The following ZNF658 variants were observed in gnomAD, a reference collection of about 807,000 sequenced individuals.
ZNF658 encodes the protein zinc finger protein 658.
ZNF658 carries 46 observed loss-of-function variants against 78.0 expected under a neutral mutation model. The ratio of observed to expected loss-of-function variants is 0.59; its 90% confidence interval spans 0.47 to 0.75. ZNF658 has a LOEUF of 0.75. Ranked by LOEUF, ZNF658 falls within the 30% of genes least tolerant of loss-of-function variation. The pLI, the probability that ZNF658 is intolerant of heterozygous loss-of-function variation, is 0.00. For synonymous variants in ZNF658, 279 were observed against 408.4 expected (o/e 0.68, Z 3.82); for missense variants, 785 against 1,189.3 (o/e 0.66, Z 5.00).
At chr9:66,913,474 G>A (rs368524424) in intron 4 of ZNF658, among the ~76,000 whole-genome samples, 1 of 151,840 alleles carries the variant, frequency 6.6e-6, no homozygotes, top group Non-Finnish European at 1.5e-5. Flanking sequence ...ACCCCCAGGG[G>A]GTCAGATCAG....
intron 2 of ZNF658, among the ~76,000 whole-genome samples, chr9:66,904,793 G>A (rs1236923344): frequency 2.0e-5 from 3 of 152,028 alleles, no homozygotes; most frequent in African/African-American, 7.2e-5. Flanking sequence ...AGTCTTGCCT[G>A]TGATGAATTA....
rs762875624 is a variant in ZNF658 at position 66,918,119 on chromosome 9, G to A, written c.553G>A (p.Glu185Lys). Residue 185 changes from glutamate to lysine, a missense_variant, in exon 5 of 5, where the codon GAA becomes AAA. Glu to Lys is a moderately conservative substitution (Grantham distance 56). Transcript: ENST00000621410. ...TATTAAGCATGAGAAAGCTCATGCT[G>A]AAGAGAAATCTTATGAACATGGTGA... is the stretch of plus-strand genomic sequence containing the variant. ...LDIKHEKAHA[E>K]EKSYEHGENA... The A allele has an allele frequency of 3.6e-5, 57 of 1,593,934 alleles. No individual in the cohort carries two copies. The African/African-American group carries it at 6.8e-4, about 19-fold the overall frequency.
chr9:66,928,980 T>C (rs1203952097), intron 6 of ZNF658, among the ~76,000 whole-genome samples: 1 of 148,878 alleles, frequency 6.7e-6, no homozygotes, highest in African/African-American at 2.5e-5. Flanking sequence ...TCACTTCTCT[T>C]AGGAATGAGA....
At chr9:66,909,240 T>C (rs893200517) in intron 4 of ZNF658, among the ~76,000 whole-genome samples, 1 of 152,090 alleles carries the variant, frequency 6.6e-6, no homozygotes, top group African/African-American at 2.4e-5. Flanking sequence ...ACCCTTTAGT[T>C]ATCACTGTCC....
At chr9:66,907,402 A>G (rs1413324166) in intron 2 of ZNF658, among the ~76,000 whole-genome samples, 1 of 151,948 alleles carries the variant, frequency 6.6e-6, no homozygotes, top group African/African-American at 2.4e-5. Flanking sequence ...TGAAATATAC[A>G]TTACTTTATT....
rs756885198 is a variant in ZNF658, at chr9:66,918,732, G to T, written c.1166G>T (p.Cys389Phe). The change falls in exon 5 of 5, where the codon TGC becomes TTC. Residue 389 changes from cysteine (C) to phenylalanine (F), a missense_variant. Cys to Phe is a radical substitution (Grantham distance 205). Coordinates refer to ENST00000621410, the MANE Select transcript of ZNF658 (RefSeq NM_033160.7). ...KFYLSDEHGK[C>F]RKSFYRKAHL... ...TACCTTTCTGATGAACATGGGAAAT[G>T]CAGAAAATCCTTTTACCGGAAAGCA... 8.1e-6 allele frequency: 13 copies of T among 1,613,948 alleles called. No individual in the cohort carries two copies. The highest frequency in any genetic ancestry group is 1.0e-5 in the Non-Finnish European group (12 of 1,179,850).
chr9:66,929,766 T>C (rs1822622137), intron 6 of ZNF658, among the ~76,000 whole-genome samples: 2 of 87,362 alleles, frequency 2.3e-5, no homozygotes, highest in African/African-American at 3.6e-5. Flanking sequence ...TTAGAGTTGC[T>C]TTTTCTTTTT....
intron 4 of ZNF658, among the ~76,000 whole-genome samples, chr9:66,910,064 G>T (rs1822177219): frequency 6.6e-6 from 1 of 152,088 alleles, no homozygotes; most frequent in African/African-American, 2.4e-5. Flanking sequence ...CAGTACTACT[G>T]GATTAGGGTC....
At chr9:66,923,343 T>C (rs1419320783), downstream of ZNF658, among the ~76,000 whole-genome samples, 4 of 149,064 alleles carry the variant, frequency 2.7e-5, 1 homozygote, top group East Asian at 7.9e-4. Context: ...GCTGATTAGA[T>C]GGTGCCCACC....
intron 6 of ZNF658, among the ~76,000 whole-genome samples, chr9:66,931,025 G>T (rs970300685): frequency 6.6e-6 from 1 of 152,082 alleles, no homozygotes; most frequent in Non-Finnish European, 1.5e-5. Context: ...CCTGGGGATA[G>T]TTAAGCACAT....
rs141164380 is a variant in ZNF658 at position 66,901,874 on chromosome 9, G to A, written c.-45+1038G>A. ...CAGGAGAATCGCTCGAACCCGAGGC[G>A]GACGCTGCAGTGAGCCAAGATTGCA... On this transcript the variant is annotated intron_variant, in intron 1 of 4. Transcript: ENST00000621410. Among the ~76,000 whole-genome samples the A allele has an allele frequency of 5.3e-3, 806 of 152,174 alleles. 8 individuals carry two copies. The highest frequency in any genetic ancestry group is 0.018 in the African/African-American group (763 of 41,516).
In ZNF658 at chr9:66,919,040, G is replaced by C. The variant is rs988621515; in HGVS notation, c.1474G>C (p.Glu492Gln). The C allele has an allele frequency of 1.3e-6, 1 of 743,984 alleles. No homozygotes were observed. The highest frequency in any genetic ancestry group is 2.7e-5 in the African/African-American group (1 of 37,588). The allele number at this position is 743,984 out of a possible 1,614,324, so 46.1% of individuals were successfully genotyped here. ...IGHQKTDAEM[E>Q]LCGGSEYGKT... The stretch of plus-strand genomic sequence containing the variant: ...ACACCAGAAAACAGATGCAGAGATG[G>C]AACTCTGTGGTGGCAGTGAATATGG... The change falls in exon 5 of 5, where the codon GAA (glutamate) becomes CAA (glutamine). Residue 492 changes from glutamate to glutamine, a missense_variant. Coordinates refer to ENST00000621410, the MANE Select transcript of ZNF658 (RefSeq NM_033160.7).
rs1822514892 is a variant in ZNF658 at position 66,921,023 on chromosome 9, C to G, written c.*277C>G. 4.1e-6 allele frequency: 2 copies of G among 491,636 alleles called. No homozygotes were observed. The highest frequency in any genetic ancestry group is 7.2e-5 in the Admixed American group (2 of 27,760). The allele number at this position is 491,636 out of a possible 1,614,324, so 30.5% of individuals were successfully genotyped here. A position where few individuals can be genotyped will look rare whatever the true frequency, so the allele number is the denominator to read the frequency against. On this transcript the variant is annotated 3_prime_UTR_variant, in exon 5 of 5. Transcript: ENST00000621410. ...GTTATTTCTGCAGCAAACTTGGGTCCTGTGTGTTCAAAACCATAGAGCACA... is the reference window on the plus strand; with the variant it reads ...GTTATTTCTGCAGCAAACTTGGGTCGTGTGTGTTCAAAACCATAGAGCACA...
rs1822131310 is a variant in ZNF658 at position 66,908,384 on chromosome 9, G to T, written c.142+20G>T. On this transcript the variant is annotated intron_variant, in intron 3 of 4. Coordinates refer to ENST00000621410, the MANE Select transcript of ZNF658 (RefSeq NM_033160.7). ...CAGTGGGTGAGCATAGCTTACCATG[G>T]GGCTCTCTCGAGAATATATGTCCCT... 1 of 1,613,794 alleles carries T rather than the reference G, an allele frequency of 6.2e-7. No individual in the cohort carries two copies. Among genetic ancestry groups the T allele is most frequent in the African/African-American group, 1.3e-5 (1 of 74,874 alleles).
intron 2 of ZNF658, among the ~76,000 whole-genome samples, chr9:66,904,316 G>T (rs540567273): frequency 6.6e-6 from 1 of 151,772 alleles, no homozygotes; most frequent in Non-Finnish European, 1.5e-5. Flanking sequence ...TGGCTTTTCC[G>T]CAGCACTTGC....
intron 2 of ZNF658, among the ~76,000 whole-genome samples, chr9:66,907,587 A>G (rs1279737456): frequency 6.6e-6 from 1 of 151,980 alleles, no homozygotes; most frequent in Non-Finnish European, 1.5e-5. Context: ...TTCCACATAT[A>G]AGTGACTATA....
At chr9:66,930,670 C>T (rs1822633184) in intron 6 of ZNF658, among the ~76,000 whole-genome samples, 1 of 152,048 alleles carries the variant, frequency 6.6e-6, no homozygotes, top group African/African-American at 2.4e-5. Context: ...GAGCAAGACT[C>T]CGTCTCAAAA....
chr9:66,908,471 G>C, intron 3 of ZNF658, 107 bp downstream of exon 3: 2 of 1,539,444 alleles, frequency 1.3e-6, no homozygotes, highest in Non-Finnish European at 1.7e-6. Flanking sequence ...GGATTAAAAG[G>C]TTTGAAGTAG....
At chr9:66,914,093 G>T (rs1467666744) in intron 4 of ZNF658, among the ~76,000 whole-genome samples, 1 of 151,454 alleles carries the variant, frequency 6.6e-6, no homozygotes, top group East Asian at 1.9e-4. Flanking sequence ...AACTGGAGTG[G>T]CATTGAATCT....
Sources: allele counts gnomAD v4.1 joint callset (sites outside exome capture counted in the v4.1 genomes callset), GRCh38; gene constraint gnomAD v4.1.1; transcripts MANE v1.5; gene names NCBI Gene and HGNC (gene_info 2026-07-23, HGNC 2026-07-21).